The following ESRRG variants were observed in gnomAD, a reference collection of about 807,000 sequenced individuals.
ESRRG encodes estrogen related receptor gamma.
ESRRG carries 13 observed loss-of-function variants against 44.0 expected under a neutral mutation model. The ratio of observed to expected loss-of-function variants is 0.30; its 90% CI spans 0.19 to 0.47. The LOEUF is 0.47. ESRRG is among the 20% of genes least tolerant of loss of function. The probability of loss-of-function intolerance (pLI) is 1.00; values close to 1 mark genes in which losing one functional copy is unlikely to be tolerated. For missense variants in ESRRG, 395 were observed against 580.6 expected, an observed-to-expected ratio of 0.68 and a Z score of 3.29; for synonymous variants, 215 against 214.6, an observed-to-expected ratio of 1.00 and a Z score of -0.02.
chr1:216,854,358 A>C (rs2095889222), intron 2 of ESRRG, among the ~76,000 whole-genome samples: 1 of 83,028 alleles, frequency 1.2e-5, no homozygotes, highest in African/African-American at 6.4e-5. Context: ...ACCATCAAAA[A>C]AAAAAAAAAA....
intron 3 of ESRRG, among the ~76,000 whole-genome samples, chr1:216,586,425 G>A (rs2063799606): frequency 6.6e-6 from 1 of 152,070 alleles, no homozygotes; most frequent in Non-Finnish European, 1.5e-5. Context: ...TAAAAGCAAA[G>A]TTAAAAGTTT....
At chr1:216,983,865 T>C (rs1005314368) in intron 1 of ESRRG, among the ~76,000 whole-genome samples, 1 of 152,114 alleles carries the variant, frequency 6.6e-6, no homozygotes, top group Non-Finnish European at 1.5e-5. Context: ...GTTTCTTACA[T>C]AGAGGTCTTA....
At chr1:216,917,659 G>A (rs953307154) in intron 2 of ESRRG, among the ~76,000 whole-genome samples, 3 of 152,208 alleles carry the variant, frequency 2.0e-5, no homozygotes, top group South Asian at 2.1e-4. Context: ...CACAGTTCAC[G>A]TTAGCCATCA....
intron 2 of ESRRG, among the ~76,000 whole-genome samples, chr1:216,820,059 A>G (rs1159226698): frequency 6.6e-6 from 1 of 152,194 alleles, no homozygotes; most frequent in African/African-American, 2.4e-5. Context: ...CTTTACAGAG[A>G]GAGATCTCAC....
At position 216,519,387 on chromosome 1, in the gene ESRRG, G is replaced by T. The variant is rs754555777; in HGVS notation, c.897C>A (p.Ser299Arg). The T allele has an allele frequency of 6.2e-7, 1 of 1,613,146 alleles. No individual in the cohort carries two copies. The highest frequency in any genetic ancestry group is 8.5e-7 in the Non-Finnish European group (1 of 1,179,780). The change falls in exon 6 of 7, where the codon AGC becomes AGA. Residue 299 changes from serine (S) to arginine (R), a missense_variant. Around this residue, in one of 5 missense-constraint regions of ESRRG, gnomAD observed 167 missense variants for 251.8 expected, o/e 0.66. Transcript: ENST00000408911. The part of the protein sequence containing the change: ...FSTLSLADQM[S>R]LLQSAWMEIL... ...TTTCCATCCAAGCACTCTGCAGAAG[G>T]CTCATCTGGTCCGCCAGGGACAGCG...
chr1:217,131,721 C>T (rs187826346), intron 1 of ESRRG, among the ~76,000 whole-genome samples: 29 of 152,324 alleles, frequency 1.9e-4, no homozygotes, highest in Admixed American at 1.6e-3. Context: ...ATGGCTAATA[C>T]ATAATCGGAG....
At chr1:216,886,590 T>C (rs1467800935) in intron 2 of ESRRG, among the ~76,000 whole-genome samples, 1 of 152,224 alleles carries the variant, frequency 6.6e-6, no homozygotes, top group Non-Finnish European at 1.5e-5. Flanking sequence ...CATCCTCCAA[T>C]ATGCCTGTAT....
chr1:216,634,223 A>C (rs771592732), intron 3 of ESRRG, among the ~76,000 whole-genome samples: 16 of 152,188 alleles, frequency 1.1e-4, no homozygotes, highest in Non-Finnish European at 2.2e-4. Context: ...ATCTTGGATG[A>C]ATGTGATTTT....
intron 3 of ESRRG, among the ~76,000 whole-genome samples, chr1:216,589,983 T>A (rs975554056): frequency 1.2e-4 from 13 of 111,766 alleles, no homozygotes; most frequent in African/African-American, 4.1e-4. Context: ...ATTGAAAAAA[T>A]ATATATAACA....
At chr1:217,072,078 T>C (rs1469441114) in intron 1 of ESRRG, among the ~76,000 whole-genome samples, 1 of 152,234 alleles carries the variant, frequency 6.6e-6, no homozygotes, top group Non-Finnish European at 1.5e-5. Flanking sequence ...ATGTAATTAT[T>C]GATGTTCAGT....
chr1:216,980,813 C>T (rs1204139724), intron 1 of ESRRG, among the ~76,000 whole-genome samples: 2 of 152,202 alleles, frequency 1.3e-5, no homozygotes, highest in African/African-American at 2.4e-5. Flanking sequence ...GGCTCCCTCG[C>T]TTGCCTCTAC....
intron 2 of ESRRG, among the ~76,000 whole-genome samples, chr1:216,774,014 T>A (rs2152404935): frequency 6.6e-6 from 1 of 152,268 alleles, no homozygotes; most frequent in South Asian, 2.1e-4. Flanking sequence ...CATTTACTCT[T>A]CATAACAGTT....
At chr1:217,035,080 C>A (rs1224584219) in intron 1 of ESRRG, among the ~76,000 whole-genome samples, 2 of 152,082 alleles carry the variant, frequency 1.3e-5, no homozygotes, top group Non-Finnish European at 2.9e-5. Flanking sequence ...AGTGGTGTGA[C>A]CTTGGCCAGA....
chr1:217,034,043 C>G (rs993878469), intron 1 of ESRRG, among the ~76,000 whole-genome samples: 19 of 152,166 alleles, frequency 1.2e-4, no homozygotes, highest in Admixed American at 1.1e-3. Flanking sequence ...TCACTATAAA[C>G]AACAATCATC....
At chr1:216,626,934 C>T (rs755871392) in intron 3 of ESRRG, among the ~76,000 whole-genome samples, 5 of 152,172 alleles carry the variant, frequency 3.3e-5, no homozygotes, top group Non-Finnish European at 5.9e-5. Context: ...TTATTTTTCT[C>T]TATCTTTGTG....
At chr1:216,946,251 C>T (rs1025385055) in intron 1 of ESRRG, among the ~76,000 whole-genome samples, 2 of 152,178 alleles carry the variant, frequency 1.3e-5, no homozygotes, top group African/African-American at 2.4e-5. Context: ...ATGATGCTAT[C>T]AGAACCCTCC....
chr1:216,773,191 T>A (rs968287750), intron 2 of ESRRG, among the ~76,000 whole-genome samples: 3 of 152,094 alleles, frequency 2.0e-5, no homozygotes, highest in Non-Finnish European at 4.4e-5. Flanking sequence ...ATATTCATAG[T>A]GAAAGATAGC....
chr1:217,002,432 T>G (rs2077170900), intron 1 of ESRRG, among the ~76,000 whole-genome samples: 1 of 152,022 alleles, frequency 6.6e-6, no homozygotes, highest in Admixed American at 6.6e-5. Flanking sequence ...GGGCTTAGAT[T>G]TTATTCCCTA....
chr1:216,602,730 T>C (rs948348280), intron 3 of ESRRG, among the ~76,000 whole-genome samples: 1 of 152,196 alleles, frequency 6.6e-6, no homozygotes, highest in Non-Finnish European at 1.5e-5. Context: ...AATGATACAA[T>C]GAATTGCCTA....
Sources: allele counts gnomAD v4.1 joint callset (sites outside exome capture counted in the v4.1 genomes callset), GRCh38; gene constraint gnomAD v4.1.1; regional missense constraint gnomAD v4.1.1; transcripts MANE v1.5; gene names NCBI Gene and HGNC (gene_info 2026-07-23, HGNC 2026-07-21).